Variants in KLHL29 observed in about 807,000 individuals in gnomAD.
KLHL29 encodes the protein kelch like family member 29, also known as kelch-like protein 29.
KLHL29 carries 21 observed loss-of-function variants against 80.4 expected under a neutral mutation model. That is an observed-to-expected ratio of 0.26 (90% CI 0.19 to 0.38). The LOEUF is 0.38. Ranked by LOEUF, KLHL29 falls within the 10% of genes least tolerant of loss-of-function variation. KLHL29 has a pLI of 1.00. For missense variants in KLHL29, 867 were observed against 1,223.9 expected (o/e 0.71, Z 4.35); for synonymous variants, 511 against 526.8 (o/e 0.97, Z 0.41).
intron 3 of KLHL29, among the ~76,000 whole-genome samples, chr2:23,627,427 C>A (rs1248304882): frequency 6.6e-6 from 1 of 152,230 alleles, no homozygotes. Context: ...GCTGAGCCTT[C>A]TGGAACATTC....
intron 2 of KLHL29, among the ~76,000 whole-genome samples, chr2:23,548,765 G>C (rs927144842): frequency 6.6e-6 from 1 of 152,204 alleles, no homozygotes; most frequent in Admixed American, 6.5e-5. Flanking sequence ...TAGCATCATA[G>C]CGTCACCTAC....
chr2:23,623,932 T>C (rs536390851), intron 3 of KLHL29, among the ~76,000 whole-genome samples: 2 of 152,334 alleles, frequency 1.3e-5, no homozygotes, highest in Non-Finnish European at 2.9e-5. Flanking sequence ...TGCAGCTGAC[T>C]TAAATGTGAC....
intron 1 of KLHL29, among the ~76,000 whole-genome samples, chr2:23,420,547 C>T (rs1662770370): frequency 6.6e-6 from 1 of 152,198 alleles, no homozygotes; most frequent in Non-Finnish European, 1.5e-5. Context: ...GATTCTGCCG[C>T]ACCTTTCTTA....
At chr2:23,514,352 A>G (rs965810121) in intron 2 of KLHL29, among the ~76,000 whole-genome samples, 4 of 152,280 alleles carry the variant, frequency 2.6e-5, no homozygotes, top group East Asian at 1.9e-4. Context: ...CCTTAGAGCT[A>G]TAGTGCCCCA....
At chr2:23,590,608 G>A (rs1055522095) in intron 3 of KLHL29, among the ~76,000 whole-genome samples, 1 of 152,112 alleles carries the variant, frequency 6.6e-6, no homozygotes, top group East Asian at 1.9e-4. Flanking sequence ...GCATGGCCCA[G>A]TGCATGCTAA....
chr2:23,535,239 A>C (rs967118166), intron 2 of KLHL29, among the ~76,000 whole-genome samples: 1 of 152,258 alleles, frequency 6.6e-6, no homozygotes, highest in Admixed American at 6.5e-5. Flanking sequence ...GAGACAGAAC[A>C]GTCTCTGCAT....
At chr2:23,527,876 C>T (rs536370148) in intron 2 of KLHL29, among the ~76,000 whole-genome samples, 11 of 152,300 alleles carry the variant, frequency 7.2e-5, no homozygotes, top group Admixed American at 7.2e-4. Flanking sequence ...TTCATCCCAA[C>T]CAAACGTAGA....
chr2:23,587,489 C>T (rs890803220), intron 3 of KLHL29, among the ~76,000 whole-genome samples: 4 of 152,096 alleles, frequency 2.6e-5, no homozygotes, highest in Admixed American at 6.6e-5. Context: ...CAGCCTCCCC[C>T]GGGCTACCCG....
Position 23,507,108 on chromosome 2 carries a change from A to G in KLHL29, c.-46+31441A>G, listed in dbSNP as rs1212225830. On this transcript the variant is annotated intron_variant, in intron 2 of 13. Coordinates refer to ENST00000486442, the MANE Select transcript of KLHL29 (RefSeq NM_052920.2). ...GCAGCCGCATTTCCTCAGGCTCAAC[A>G]TCGCTGCCTGGGTGGACCTGCACGG... 2.7e-5 allele frequency: 12 copies of G among 451,676 alleles called. No individual in the cohort carries two copies. The Admixed American group carries it at 2.9e-4, about 11-fold the overall frequency. The allele number at this position is 451,676 out of a possible 1,614,324, so 28.0% of individuals were successfully genotyped here.
chr2:23,684,554 G>A lies in KLHL29; in HGVS notation c.1079+17G>A. 6.5e-7 allele frequency: 1 copy of A among 1,541,536 alleles called. No individual in the cohort carries two copies. Among genetic ancestry groups the A allele is most frequent in the Non-Finnish European group, 8.7e-7 (1 of 1,143,422 alleles). On this transcript the variant is annotated intron_variant, in intron 6 of 13. Transcript: ENST00000486442. This position sits in a 1 kb window ranked among gnomAD's most constrained non-coding sequence, Gnocchi z 4.4. ...GATTCAAAGGTTTGCCTTCCTTCCA[G>A]CTGTGGTCGGGTCTGTTCCTTTGTA...
At chr2:23,651,592 G>T (rs1169258985) in intron 5 of KLHL29, among the ~76,000 whole-genome samples, 2 of 152,176 alleles carry the variant, frequency 1.3e-5, no homozygotes, top group Non-Finnish European at 2.9e-5. Flanking sequence ...CAGGCAAGGT[G>T]GCCCAGGGAG....
chr2:23,644,900 G>A (rs1344292417), intron 5 of KLHL29, among the ~76,000 whole-genome samples: 5 of 152,212 alleles, frequency 3.3e-5, no homozygotes, highest in Non-Finnish European at 4.4e-5. Flanking sequence ...GTGAGCCAGC[G>A]GGACCCACCA....
intron 2 of KLHL29, among the ~76,000 whole-genome samples, chr2:23,508,542 C>G (rs1264052818): frequency 2.0e-5 from 3 of 152,270 alleles, no homozygotes; most frequent in Non-Finnish European, 4.4e-5. Flanking sequence ...AAGTGAATCA[C>G]AAGTCCACGT....
chr2:23,418,628 T>G (rs1466374802), intron 1 of KLHL29, among the ~76,000 whole-genome samples: 5 of 152,140 alleles, frequency 3.3e-5, no homozygotes, highest in Non-Finnish European at 7.4e-5. Flanking sequence ...TGCTAAACAG[T>G]AACCGGGGGA....
chr2:23,463,088 GT>G lies in KLHL29; in HGVS notation c.-153-12459del, dbSNP rs56138371. Among the ~76,000 whole-genome samples, 809 of 142,828 alleles carry G rather than the reference GT, an allele frequency of 5.7e-3. 9 individuals are homozygous for G. Among genetic ancestry groups the G allele is most frequent in the African/African-American group, 0.018 (696 of 39,376 alleles). 93.7% of individuals were successfully genotyped at this position (142,828 alleles called of 152,430 possible). On this transcript the variant is annotated intron_variant, in intron 1 of 13. Transcript: ENST00000486442. ...CCTCCCATGTTTTTTTTTCAGTGTA[GT>G]TTTTTTTTTTTTAATCACTAGAGTG...
rs554832709 is a variant in KLHL29 at position 23,594,475 on chromosome 2, G to A, written c.285+31994G>A. 1.2e-3 allele frequency among the ~76,000 whole-genome samples: 184 copies of A among 152,048 alleles called. 6 individuals carry two copies. In the South Asian group the frequency reaches 0.015, roughly 12 times the overall value. On this transcript the variant is annotated intron_variant, in intron 3 of 13. Transcript: ENST00000486442. ...CCGGCCAACACCAGTGCCCTTCTTCGCTGACTTCTTTTCACCGTGTTTCTG... is the reference window on the plus strand; with the variant it reads ...CCGGCCAACACCAGTGCCCTTCTTCACTGACTTCTTTTCACCGTGTTTCTG...
At chr2:23,517,768 C>G (rs960006110) in intron 2 of KLHL29, among the ~76,000 whole-genome samples, 2 of 152,246 alleles carry the variant, frequency 1.3e-5, no homozygotes, top group African/African-American at 2.4e-5. Flanking sequence ...CACATTTGCT[C>G]AGCAGCTCCC....
intron 1 of KLHL29, among the ~76,000 whole-genome samples, chr2:23,389,866 G>T (rs1283346012): frequency 6.6e-6 from 1 of 152,174 alleles, no homozygotes; most frequent in East Asian, 1.9e-4. Context: ...GTAATCTGGG[G>T]TCATCGCCTG....
intron 1 of KLHL29, among the ~76,000 whole-genome samples, chr2:23,452,661 C>T (rs1289671692): frequency 2.6e-5 from 4 of 152,304 alleles, no homozygotes; most frequent in East Asian, 3.9e-4. Flanking sequence ...GCCACTGTCC[C>T]TGTTGGTCTT....
Sources: gnomAD v4.1 joint callset for allele counts (sites outside exome capture counted in the v4.1 genomes callset) on GRCh38, gnomAD v4.1.1 for gene constraint, Gnocchi (gnomAD v3.1) non-coding constraint, MANE v1.5 for transcripts, NCBI Gene and HGNC (gene_info 2026-07-23, HGNC 2026-07-21) for gene names.